HOMER2: variants seen among roughly 807,000 people sequenced by gnomAD.
The protein encoded by HOMER2 is homer protein homolog 2.
HOMER2 carries 27 observed loss-of-function variants against 47.0 expected under a neutral mutation model. The ratio of observed to expected loss-of-function variants is 0.57; its 90% CI spans 0.42 to 0.79. HOMER2 has a LOEUF of 0.79. HOMER2 is among the 30% of genes least tolerant of loss of function. The probability of loss-of-function intolerance (pLI) is 0.00; values close to 1 mark genes in which losing one functional copy is unlikely to be tolerated. For synonymous variants in HOMER2, 161 were observed against 163.8 expected (o/e 0.98, Z 0.13); for missense variants, 443 against 435.0 (o/e 1.02, Z -0.16).
chr15:82,892,432 C>T (rs750717366), intron 2 of HOMER2, among the ~76,000 whole-genome samples: 11 of 152,186 alleles, frequency 7.2e-5, no homozygotes, highest in South Asian at 4.2e-4. Context: ...TATCCAACCA[C>T]GGGGGGAAAT....
At chr15:82,962,112 C>T (rs1422296080) in intron 1 of HOMER2, among the ~76,000 whole-genome samples, 5 of 151,530 alleles carry the variant, frequency 3.3e-5, no homozygotes, top group Admixed American at 2.0e-4. Context: ...GACTCACACC[C>T]GTAATGCCAG....
chr15:82,910,688 G>A (rs1054301396), intron 1 of HOMER2, among the ~76,000 whole-genome samples: 10 of 152,142 alleles, frequency 6.6e-5, no homozygotes, highest in Admixed American at 1.3e-4. Flanking sequence ...AGTTTGCCTC[G>A]GAAGGCGTGT....
intron 2 of HOMER2, among the ~76,000 whole-genome samples, chr15:82,878,615 T>C (rs2052427348): frequency 6.6e-6 from 1 of 152,178 alleles, no homozygotes; most frequent in Non-Finnish European, 1.5e-5. Flanking sequence ...GGACTCCAAT[T>C]ACAGACATGC....
At chr15:82,845,195 C>G (rs867450593), downstream of HOMER2, 5 of 149,818 alleles carry the variant, frequency 3.3e-5, no homozygotes, top group Admixed American at 6.7e-5. Context: ...ACTGTTTCTC[C>G]CACTTCCCCT....
At chr15:82,953,420 G>T (rs1350825586), upstream of HOMER2, among the ~76,000 whole-genome samples, 1 of 152,180 alleles carries the variant, frequency 6.6e-6, no homozygotes, top group Non-Finnish European at 1.5e-5. Context: ...TTGAAGAAGA[G>T]CAGGCTCTCT....
At chr15:82,895,207 A>G (rs2052867623) in intron 1 of HOMER2, among the ~76,000 whole-genome samples, 1 of 152,216 alleles carries the variant, frequency 6.6e-6, no homozygotes, top group Non-Finnish European at 1.5e-5. Flanking sequence ...GAGCAGGACA[A>G]GTGCCTCTGG....
At chr15:82,968,025 A>G (rs1277113851) in intron 1 of HOMER2, among the ~76,000 whole-genome samples, 5 of 152,228 alleles carry the variant, frequency 3.3e-5, no homozygotes, top group Non-Finnish European at 7.3e-5. Flanking sequence ...ACATATTGTA[A>G]CAAAATTCAC....
intron 1 of HOMER2, among the ~76,000 whole-genome samples, chr15:82,981,540 C>T (rs1375287655): frequency 1.3e-5 from 2 of 152,172 alleles, no homozygotes; most frequent in African/African-American, 2.4e-5. Flanking sequence ...AAAGCAGGGA[C>T]TTGAATAGAT....
intron 3 of HOMER2, among the ~76,000 whole-genome samples, chr15:82,867,504 A>C (rs1183088333): frequency 6.6e-6 from 1 of 152,230 alleles, no homozygotes; most frequent in African/African-American, 2.4e-5. Flanking sequence ...TGACAAGCCC[A>C]GTAAATAAAT....
At chr15:82,928,119 G>C (rs909178900) in intron 1 of HOMER2, among the ~76,000 whole-genome samples, 3 of 152,136 alleles carry the variant, frequency 2.0e-5, no homozygotes, top group African/African-American at 7.2e-5. Context: ...TTCTCTGCTA[G>C]AAATGCACTG....
At chr15:82,954,703 T>C (rs2054570371), upstream of HOMER2, among the ~76,000 whole-genome samples, 1 of 152,114 alleles carries the variant, frequency 6.6e-6, no homozygotes, top group African/African-American at 2.4e-5. Flanking sequence ...TATATCGATA[T>C]AAAATAGAAA....
intron 2 of HOMER2, among the ~76,000 whole-genome samples, chr15:82,881,604 C>G (rs1490971039): frequency 1.3e-5 from 2 of 152,212 alleles, no homozygotes; most frequent in Admixed American, 6.5e-5. Context: ...GCTCCCTTAA[C>G]AGAAGGTGCT....
chr15:82,982,503 T>A (rs1159898862), intron 1 of HOMER2, among the ~76,000 whole-genome samples: 1 of 152,182 alleles, frequency 6.6e-6, no homozygotes, highest in East Asian at 1.9e-4. Flanking sequence ...GGCCCCTAAG[T>A]GTCACACACA....
chr15:82,864,892 G>GA (rs1271102392), intron 3 of HOMER2, among the ~76,000 whole-genome samples: 1 of 152,234 alleles, frequency 6.6e-6, no homozygotes, highest in Non-Finnish European at 1.5e-5. Context: ...TTCATTGTTT[G>GA]AACAGAGAAT....
intron 1 of HOMER2, among the ~76,000 whole-genome samples, chr15:82,925,699 C>T (rs1365824761): frequency 6.6e-6 from 1 of 152,146 alleles, no homozygotes; most frequent in Non-Finnish European, 1.5e-5. Flanking sequence ...GCCTTCCCAG[C>T]CCCTCCATAC....
At chr15:82,899,414 C>CGCCA (rs1567041558) in intron 1 of HOMER2, among the ~76,000 whole-genome samples, 1 of 152,198 alleles carries the variant, frequency 6.6e-6, no homozygotes, top group Non-Finnish European at 1.5e-5. Flanking sequence ...CAACAGGCTA[C>CGCCA]GCCAGCCAGC....
chr15:82,866,269 C>T (rs1471578771), intron 3 of HOMER2, among the ~76,000 whole-genome samples: 6 of 152,188 alleles, frequency 3.9e-5, no homozygotes, highest in Non-Finnish European at 7.4e-5. Flanking sequence ...GACTGCCCTG[C>T]TGGATTTTGG....
At chr15:82,982,663 G>A (rs1249149664) in intron 1 of HOMER2, among the ~76,000 whole-genome samples, 1 of 152,148 alleles carries the variant, frequency 6.6e-6, no homozygotes. Flanking sequence ...TTGGGGATTA[G>A]GGATGCCCAA....
At chr15:82,971,990 A>C (rs2030005720) in intron 1 of HOMER2, among the ~76,000 whole-genome samples, 1 of 152,126 alleles carries the variant, frequency 6.6e-6, no homozygotes, top group Admixed American at 6.5e-5. Context: ...CAAGTGCTTC[A>C]AGGTTGTATA....
Sources: gnomAD v4.1 joint callset for allele counts (sites outside exome capture counted in the v4.1 genomes callset) on GRCh38, gnomAD v4.1.1 for gene constraint, MANE v1.5 for transcripts, NCBI Gene and HGNC (gene_info 2026-07-23, HGNC 2026-07-21) for gene names.